NEMP2: variants seen among roughly 807,000 people sequenced by gnomAD.
The protein encoded by NEMP2 is nuclear envelope integral membrane protein 2.
A neutral mutation model predicts 54.2 loss-of-function variants in NEMP2; 53 were observed. The observed-to-expected ratio is 0.98, with a 90% confidence interval of 0.78 to 1.23. The LOEUF is 1.23. Among genes scored for constraint, NEMP2 ranks in the 50% most tolerant of loss-of-function variants. The probability of loss-of-function intolerance (pLI) is 0.00; values close to 1 mark genes in which losing one functional copy is unlikely to be tolerated. For synonymous variants in NEMP2, 197 were observed against 190.3 expected (o/e 1.04, Z -0.29); for missense variants, 455 against 511.3 (o/e 0.89, Z 1.06).
the NEMP2 span, among the ~76,000 whole-genome samples, chr2:190,433,048 G>A: frequency 4.6e-5 from 7 of 152,194 alleles, no homozygotes; most frequent in Admixed American, 2.0e-4. The surrounding 1 kb of genome is among the most constrained non-coding windows in gnomAD (Gnocchi z 4.5). Context: ...TCTGCTTTCC[G>A]TAATTTTATT....
At chr2:190,604,967 G>T in the NEMP2 span, among the ~76,000 whole-genome samples, 1 of 152,062 alleles carries the variant, frequency 6.6e-6, no homozygotes, top group Non-Finnish European at 1.5e-5. This position sits in a 1 kb window ranked among gnomAD's most constrained non-coding sequence, Gnocchi z 4.5. Context: ...TGGGACCCTT[G>T]ACTTTTCCCT....
chr2:190,479,836 G>A, the NEMP2 span, among the ~76,000 whole-genome samples: 4 of 152,152 alleles, frequency 2.6e-5, no homozygotes, highest in South Asian at 2.1e-4. Context: ...AGTGGGAGCC[G>A]GGTTAAGATT....
At chr2:190,504,335 G>A (rs1343138272), downstream of NEMP2, 1 of 152,086 alleles carries the variant, frequency 6.6e-6, no homozygotes, top group Non-Finnish European at 1.5e-5. The surrounding 1 kb of genome is among the most constrained non-coding windows in gnomAD (Gnocchi z 5.6). Context: ...TCCCCAACCA[G>A]GGTCTAGTTC....
chr2:190,580,386 G>A, the NEMP2 span, among the ~76,000 whole-genome samples: 8 of 152,168 alleles, frequency 5.3e-5, no homozygotes, highest in Admixed American at 5.2e-4. The surrounding 1 kb of genome is among the most constrained non-coding windows in gnomAD (Gnocchi z 5.3). Flanking sequence ...CCTTAGGGTG[G>A]TGATAATATG....
At chr2:190,553,472 C>G in the NEMP2 span, 25,501 of 152,244 alleles carry the variant, frequency 0.17, 2,292 homozygotes, top group Middle Eastern at 0.22. Flanking sequence ...GCAGGCAGAT[C>G]ACTCTCATGG....
the NEMP2 span, among the ~76,000 whole-genome samples, chr2:190,633,335 C>T: frequency 7.8e-6 from 1 of 128,648 alleles, no homozygotes; most frequent in East Asian, 2.2e-4. Context: ...TTTTTGGAGA[C>T]AGGGTTTCGC....
the NEMP2 span, among the ~76,000 whole-genome samples, chr2:190,458,909 T>A: frequency 6.6e-6 from 1 of 152,206 alleles, no homozygotes; most frequent in Non-Finnish European, 1.5e-5. The surrounding 1 kb of genome is among the most constrained non-coding windows in gnomAD (Gnocchi z 5.3). Context: ...CCCAGGCAGC[T>A]CTAGGATCAA....
the NEMP2 span, among the ~76,000 whole-genome samples, chr2:190,488,233 CT>C: frequency 7.2e-5 from 11 of 152,322 alleles, no homozygotes; most frequent in East Asian, 2.1e-3. The surrounding 1 kb of genome is among the most constrained non-coding windows in gnomAD (Gnocchi z 6.4). Flanking sequence ...GACTCAGATA[CT>C]TGCATACCAG....
the NEMP2 span, among the ~76,000 whole-genome samples, chr2:190,578,934 T>C: frequency 6.6e-6 from 1 of 152,182 alleles, no homozygotes; most frequent in Non-Finnish European, 1.5e-5. The surrounding 1 kb of genome is among the most constrained non-coding windows in gnomAD (Gnocchi z 4.4). Context: ...CCCAGGATGT[T>C]TGCCAGATAT....
At chr2:190,634,643 C>A in the NEMP2 span, among the ~76,000 whole-genome samples, 3 of 152,212 alleles carry the variant, frequency 2.0e-5, no homozygotes, top group Non-Finnish European at 4.4e-5. The surrounding 1 kb of genome is among the most constrained non-coding windows in gnomAD (Gnocchi z 6.8). Context: ...TAAGGCATAT[C>A]AGGCATTCCC....
the NEMP2 span, chr2:190,477,487 G>T: frequency 1.4e-4 from 61 of 431,890 alleles, no homozygotes; most frequent in Admixed American, 3.2e-4. Flanking sequence ...GTTTCCATAA[G>T]TGACCCAAGA....
At chr2:190,436,273 T>C in the NEMP2 span, 1 of 1,614,102 alleles carries the variant, frequency 6.2e-7, no homozygotes, top group Non-Finnish European at 8.5e-7. This position sits in a 1 kb window ranked among gnomAD's most constrained non-coding sequence, Gnocchi z 5.3. Flanking sequence ...TTACTCTGCC[T>C]ATGGCTCTCT....
At chr2:190,462,925 A>AG in the NEMP2 span, among the ~76,000 whole-genome samples, 95 of 152,260 alleles carry the variant, frequency 6.2e-4, no homozygotes, top group African/African-American at 2.2e-3. The surrounding 1 kb of genome is among the most constrained non-coding windows in gnomAD (Gnocchi z 5.7). Flanking sequence ...CTAGCACTAG[A>AG]GGAGGGTACC....
chr2:190,478,589 A>G, the NEMP2 span, among the ~76,000 whole-genome samples: 1 of 152,230 alleles, frequency 6.6e-6, no homozygotes, highest in Non-Finnish European at 1.5e-5. Context: ...TTTAGGATGC[A>G]GTAAGGCAGG....
chr2:190,577,086 CTG>C, the NEMP2 span, among the ~76,000 whole-genome samples: 1 of 152,170 alleles, frequency 6.6e-6, no homozygotes, highest in Non-Finnish European at 1.5e-5. The surrounding 1 kb of genome is among the most constrained non-coding windows in gnomAD (Gnocchi z 4.8). Flanking sequence ...AAAGCACAGA[CTG>C]TGTTCGGGAA....
the NEMP2 span, among the ~76,000 whole-genome samples, chr2:190,577,813 C>A: frequency 6.6e-6 from 1 of 152,166 alleles, no homozygotes; most frequent in Non-Finnish European, 1.5e-5. The surrounding 1 kb of genome is among the most constrained non-coding windows in gnomAD (Gnocchi z 4.8). Flanking sequence ...GTGGAGGTTG[C>A]AGTGACCCGA....
At chr2:190,449,231 T>G in the NEMP2 span, among the ~76,000 whole-genome samples, 7 of 152,332 alleles carry the variant, frequency 4.6e-5, no homozygotes, top group African/African-American at 7.2e-5. Context: ...CCCAGCACTT[T>G]GGCAGGCTGA....
chr2:190,615,608 GAGT>G, the NEMP2 span, among the ~76,000 whole-genome samples: 1 of 152,326 alleles, frequency 6.6e-6, no homozygotes, highest in Admixed American at 6.5e-5. This position sits in a 1 kb window ranked among gnomAD's most constrained non-coding sequence, Gnocchi z 4.7. Flanking sequence ...ATCAGTGACT[GAGT>G]CAACCTTCAG....
chr2:190,448,547 GA>G, the NEMP2 span, among the ~76,000 whole-genome samples: 1 of 152,098 alleles, frequency 6.6e-6, no homozygotes, highest in East Asian at 1.9e-4. Context: ...GTTGACTGGG[GA>G]AAAAAGCAGG....
Sources: allele counts gnomAD v4.1 joint callset (sites outside exome capture counted in the v4.1 genomes callset), GRCh38; gene constraint gnomAD v4.1.1; non-coding constraint Gnocchi (gnomAD v3.1); transcripts MANE v1.5; gene names NCBI Gene and HGNC (gene_info 2026-07-23, HGNC 2026-07-21).